The following DPYD variants were observed in gnomAD, a reference collection of about 807,000 sequenced individuals.
DPYD encodes dihydropyrimidine dehydrogenase [NADP(+)].
A neutral mutation model predicts 116.2 loss-of-function variants in DPYD; 109 were observed. The observed-to-expected ratio is 0.94, with a 90% CI of 0.80 to 1.10. DPYD has a LOEUF of 1.10. DPYD is among the 50% of genes least tolerant of loss of function. The probability of loss-of-function intolerance (pLI) is 0.00; values close to 1 mark genes in which losing one functional copy is unlikely to be tolerated. For synonymous variants in DPYD, 440 were observed against 432.0 expected, an observed-to-expected ratio of 1.02 and a Z score of -0.23; for missense variants, 1,302 against 1,254.5, an observed-to-expected ratio of 1.04 and a Z score of -0.57.
intron 20 of DPYD, among the ~76,000 whole-genome samples, chr1:97,124,156 C>T (rs1652658150): frequency 6.9e-6 from 1 of 144,872 alleles, no homozygotes; most frequent in African/African-American, 2.5e-5. Flanking sequence ...TCTGTAGGAA[C>T]CAGAGGAAAA....
chr1:97,219,377 C>A (rs1175124047), intron 19 of DPYD, among the ~76,000 whole-genome samples: 1 of 152,138 alleles, frequency 6.6e-6, no homozygotes, highest in Admixed American at 6.5e-5. Context: ...CATGATAGAA[C>A]TGAATGATTC....
chr1:97,213,227 CACAA>C (rs1171038317), intron 19 of DPYD, among the ~76,000 whole-genome samples: 6 of 152,094 alleles, frequency 3.9e-5, no homozygotes, highest in African/African-American at 1.4e-4. Flanking sequence ...TTTGGGGGGA[CACAA>C]ACATTCAATC....
intron 3 of DPYD, among the ~76,000 whole-genome samples, chr1:97,783,176 G>A (rs961980458): frequency 6.6e-6 from 1 of 151,972 alleles, no homozygotes; most frequent in African/African-American, 2.4e-5. Context: ...ATAAATAACT[G>A]GCCTCCTCCA....
At chr1:97,322,414 C>G (rs1385952754) in intron 16 of DPYD, among the ~76,000 whole-genome samples, 2 of 151,786 alleles carry the variant, frequency 1.3e-5, no homozygotes, top group African/African-American at 2.4e-5. Flanking sequence ...ATACTCAAAA[C>G]TAAATACTAA....
At chr1:97,605,804 A>C (rs768481814) in intron 8 of DPYD, among the ~76,000 whole-genome samples, 15 of 152,096 alleles carry the variant, frequency 9.9e-5, no homozygotes, top group Non-Finnish European at 1.9e-4. Context: ...ATGTTAACAG[A>C]TGAACTGATC....
intron 16 of DPYD, among the ~76,000 whole-genome samples, chr1:97,308,129 A>T (rs140873573): frequency 1.4e-3 from 218 of 151,914 alleles, no homozygotes; most frequent in African/African-American, 5.1e-3. Flanking sequence ...ATTTACTCTG[A>T]ACATCTGTCA....
At chr1:97,387,964 T>C (rs1672450361) in intron 14 of DPYD, among the ~76,000 whole-genome samples, 1 of 152,080 alleles carries the variant, frequency 6.6e-6, no homozygotes, top group African/African-American at 2.4e-5. Context: ...ATGTACATTT[T>C]CAAAAGATGC....
chr1:97,774,313 G>T (rs184204192), intron 3 of DPYD, among the ~76,000 whole-genome samples: 6 of 152,122 alleles, frequency 3.9e-5, no homozygotes, highest in African/African-American at 1.4e-4. Context: ...GGATCTGTTT[G>T]CCCTCATGGA....
At chr1:97,491,156 T>C (rs918227678) in intron 13 of DPYD, among the ~76,000 whole-genome samples, 1 of 147,722 alleles carries the variant, frequency 6.8e-6, no homozygotes. Context: ...AGATACTACA[T>C]AATAAAATAT....
At chr1:97,377,066 T>C (rs1187100687) in intron 15 of DPYD, among the ~76,000 whole-genome samples, 1 of 150,776 alleles carries the variant, frequency 6.6e-6, no homozygotes, top group Non-Finnish European at 1.5e-5. Context: ...CCAAAAAATA[T>C]TAAAAATTAA....
Position 97,264,265 on chromosome 1 carries a change from C to T in DPYD, c.2300-29271G>A, listed in dbSNP as rs377429882. 1.2e-3 allele frequency among the ~76,000 whole-genome samples: 165 copies of T among 140,964 alleles called. 1 individual carries two copies. The highest frequency in any genetic ancestry group is 4.4e-3 in the Middle Eastern group (1 of 228). The allele number at this position is 140,964 out of a possible 152,430, so 92.5% of individuals were successfully genotyped here. ...GCAGCCTCAAATTCTTGGGCTCAAG[C>T]GATCTTCCTGCCTCACCCTCTCAAA... On this transcript the variant is annotated intron_variant, in intron 18 of 22. Transcript: ENST00000370192.
intron 20 of DPYD, among the ~76,000 whole-genome samples, chr1:97,171,540 C>A (rs577350461): frequency 1.9e-4 from 29 of 152,270 alleles, no homozygotes; most frequent in African/African-American, 6.5e-4. Context: ...AGACCAGGAC[C>A]AGAATGCTGC....
intron 16 of DPYD, among the ~76,000 whole-genome samples, chr1:97,310,311 A>G (rs1395631124): frequency 1.3e-5 from 2 of 151,732 alleles, no homozygotes; most frequent in African/African-American, 2.4e-5. Flanking sequence ...CAATCTGAGT[A>G]CCAATTTCAC....
rs191879249 is a variant in DPYD, at chr1:97,169,189, T to C, written c.2622+23880A>G. The stretch of plus-strand genomic sequence containing the variant: ...CAAGAAGAATAATCAAACTGATGAT[T>C]CTTCTTGGTGAAATATTAATAGTTC... On this transcript the variant is annotated intron_variant, in intron 20 of 22. Transcript: ENST00000370192. Among the ~76,000 whole-genome samples, 586 of 152,266 alleles carry C rather than the reference T, an allele frequency of 3.8e-3. 5 individuals carry two copies. Among genetic ancestry groups the C allele is most frequent in the Non-Finnish European group, 2.6e-3 (174 of 68,026 alleles).
At chr1:97,839,498 TTGTGTGTGTG>T (rs546028617) in intron 2 of DPYD, among the ~76,000 whole-genome samples, 1 of 150,034 alleles carries the variant, frequency 6.7e-6, no homozygotes, top group Non-Finnish European at 1.5e-5. Context: ...CAGCAATTCT[TTGTGTGTGTG>T]TGTGTGTGTA....
intron 3 of DPYD, among the ~76,000 whole-genome samples, chr1:97,792,672 TA>T (rs1422039965): frequency 6.6e-6 from 1 of 152,188 alleles, no homozygotes; most frequent in Non-Finnish European, 1.5e-5. Flanking sequence ...ATGATGAAAC[TA>T]AGCCTCAATC....
chr1:97,217,221 AC>A (rs1479795979), intron 19 of DPYD, among the ~76,000 whole-genome samples: 21 of 152,140 alleles, frequency 1.4e-4, no homozygotes, highest in Admixed American at 9.2e-4. Context: ...AAACAAACAA[AC>A]AAAAACAAAA....
chr1:97,732,749 T>C (rs1261949054), intron 4 of DPYD, among the ~76,000 whole-genome samples: 1 of 152,116 alleles, frequency 6.6e-6, no homozygotes, highest in Admixed American at 6.5e-5. Flanking sequence ...CTGGAAAATT[T>C]AGTTAATAGT....
rs544611987 is a variant in DPYD at position 97,750,484 on chromosome 1, T to C, written c.234-10005A>G. ...TTTTACTTTTCACAATGCTATATTGTTTGCGTTTTTTGCAATAAGTAAGTA... is the reference window on the plus strand; with the variant it reads ...TTTTACTTTTCACAATGCTATATTGCTTGCGTTTTTTGCAATAAGTAAGTA... On this transcript the variant is annotated intron_variant, in intron 3 of 22. Coordinates refer to ENST00000370192, the MANE Select transcript of DPYD (RefSeq NM_000110.4). Among the ~76,000 whole-genome samples, 35 of 152,308 alleles carry C rather than the reference T, an allele frequency of 2.3e-4. No homozygotes were observed. In the South Asian group the frequency reaches 6.6e-3, roughly 29 times the overall value.
Sources: gnomAD v4.1 joint callset for allele counts (sites outside exome capture counted in the v4.1 genomes callset) on GRCh38, gnomAD v4.1.1 for gene constraint, MANE v1.5 for transcripts, NCBI Gene and HGNC (gene_info 2026-07-23, HGNC 2026-07-21) for gene names.